The following ASAH2B variants were observed in gnomAD, a reference collection of about 807,000 sequenced individuals.
ASAH2B encodes the protein putative inactive neutral ceramidase B.
Under a neutral mutation model 2.9 loss-of-function variants are expected in ASAH2B, and 1 was observed. That is an observed-to-expected ratio of 0.34 (90% confidence interval 0.12 to 1.63). ASAH2B has a LOEUF of 1.63. ASAH2B is among the 40% of genes most tolerant of loss of function. ASAH2B has a pLI of 0.36. For synonymous variants in ASAH2B, 4 were observed against 13.3 expected, an observed-to-expected ratio of 0.30 and a Z score of 1.52; for missense variants, 9 against 37.7, an observed-to-expected ratio of 0.24 and a Z score of 1.99.
intron 3 of ASAH2B, among the ~76,000 whole-genome samples, chr10:50,747,022 T>C (rs1487458996): frequency 1.3e-5 from 2 of 150,908 alleles, no homozygotes; most frequent in African/African-American, 4.9e-5. Context: ...TATGTGCCTG[T>C]TTTTGCTTTT....
At chr10:50,748,251 A>T (rs2132725492) in intron 3 of ASAH2B, among the ~76,000 whole-genome samples, 2 of 85,434 alleles carry the variant, frequency 2.3e-5, no homozygotes, top group South Asian at 7.7e-4. Context: ...ATTTCTGAAG[A>T]GTTGACAATT....
At position 50,756,293 on chromosome 10, in the gene ASAH2B, C is replaced by T. The variant is rs1402196950; in HGVS notation, c.*1553C>T. 1.3e-5 allele frequency: 2 copies of T among 151,264 alleles called. No individual in the cohort carries two copies. The highest frequency in any genetic ancestry group is 2.4e-5 in the African/African-American group (1 of 41,320). 9.4% of individuals were successfully genotyped at this position (151,264 alleles called of 1,614,324 possible). A position where few individuals can be genotyped will look rare whatever the true frequency, so the allele number is the denominator to read the frequency against. ...ACATAATTTATTGAATTAGAATGAA[C>T]CTGGAACACTTTTTGATGAATTGGT... On this transcript the variant is annotated 3_prime_UTR_variant, in exon 6 of 6. Transcript: ENST00000647317.
At chr10:50,740,673 A>G (rs1839816857) in intron 1 of ASAH2B, among the ~76,000 whole-genome samples, 1 of 152,214 alleles carries the variant, frequency 6.6e-6, no homozygotes, top group African/African-American at 2.4e-5. Context: ...AACGGAATTA[A>G]TACAGGACCT....
rs1207246096 is a variant in ASAH2B, at chr10:50,742,802, C to T, written c.-99-113C>T. On this transcript the variant is annotated intron_variant, in intron 1 of 5. Coordinates refer to ENST00000647317, the MANE Select transcript of ASAH2B (RefSeq NM_001321958.2). ...GTCATACATAATCTTGAAGATTGTG[C>T]CAGTTTTGAATAATGTGAGATGTCA... 6 of 1,040,232 alleles carry T rather than the reference C, an allele frequency of 5.8e-6. No homozygotes were observed. The Admixed American group carries it at 9.0e-5, about 16-fold the overall frequency. The allele number at this position is 1,040,232 out of a possible 1,614,324, so 64.4% of individuals were successfully genotyped here. A position where few individuals can be genotyped will look rare whatever the true frequency, so the allele number is the denominator to read the frequency against.
At chr10:50,745,662 G>T (rs1257319299) in intron 3 of ASAH2B, among the ~76,000 whole-genome samples, 1 of 149,354 alleles carries the variant, frequency 6.7e-6, no homozygotes, top group African/African-American at 2.5e-5. Flanking sequence ...CAGTTTTTCT[G>T]GGGGGAGGAG....
intron 3 of ASAH2B, among the ~76,000 whole-genome samples, chr10:50,745,894 T>C (rs2266028): frequency 2.0e-5 from 3 of 151,386 alleles, no homozygotes; most frequent in African/African-American, 2.4e-5. Context: ...TATATATTTA[T>C]TGTGTACAAG....
chr10:50,758,893 G>T lies in ASAH2B; in HGVS notation c.*4153G>T, dbSNP rs1235383724. On this transcript the variant is annotated 3_prime_UTR_variant, in exon 6 of 6. Transcript: ENST00000647317. ...GGGAATTAGAGAGGGCACCTAATAT[G>T]GTCTTGGGGATGTTTCAGTAAGTTT... 6.6e-6 allele frequency: 1 copy of T among 151,896 alleles called. No homozygotes were observed. The highest frequency in any genetic ancestry group is 1.5e-5 in the Non-Finnish European group (1 of 67,862). The allele number at this position is 151,896 out of a possible 1,614,324, so 9.4% of individuals were successfully genotyped here. A position where few individuals can be genotyped will look rare whatever the true frequency, so the allele number is the denominator to read the frequency against.
intron 3 of ASAH2B, among the ~76,000 whole-genome samples, chr10:50,746,862 C>G (rs1462197521): frequency 6.6e-6 from 1 of 151,166 alleles, no homozygotes; most frequent in Middle Eastern, 3.4e-3. Flanking sequence ...TGTTTTCTTG[C>G]TATAGAGTTG....
In ASAH2B at chr10:50,757,221, G is replaced by A. The variant is rs1478025959; in HGVS notation, c.*2481G>A. On this transcript the variant is annotated 3_prime_UTR_variant, in exon 6 of 6. Transcript: ENST00000647317. Reference sequence around the variant, plus strand: ...CTAATGAAAGGTAATGTAGACAAACGAACACTTTTTTAAAAAAAGAGGTGG... The same window carrying A: ...CTAATGAAAGGTAATGTAGACAAACAAACACTTTTTTAAAAAAAGAGGTGG... The A allele has an allele frequency of 1.3e-5, 2 of 151,066 alleles. No individual in the cohort carries two copies. The highest frequency in any genetic ancestry group is 2.1e-4 in the South Asian group (1 of 4,790). The allele number at this position is 151,066 out of a possible 1,614,324, so 9.4% of individuals were successfully genotyped here.
rs370992697 is a variant in ASAH2B, at chr10:50,742,921, C to T, written c.-93C>T. 4.0e-5 allele frequency: 64 copies of T among 1,613,958 alleles called. No individual in the cohort carries two copies. In the African/African-American group the frequency reaches 8.1e-4, roughly 21 times the overall value. ...CTCCCTGCCTTTCCTGCAGGCTCAG[C>T]GATATGAGGCAGCATCGACAATTTA... On this transcript the variant is annotated 5_prime_UTR_variant, in exon 2 of 6. Transcript: ENST00000647317.
At chr10:50,741,215 A>G (rs1337343172) in intron 1 of ASAH2B, among the ~76,000 whole-genome samples, 1 of 151,944 alleles carries the variant, frequency 6.6e-6, no homozygotes, top group Non-Finnish European at 1.5e-5. Flanking sequence ...TTGCCAGGGA[A>G]CCACTCTCTT....
At chr10:50,744,164 C>G (rs1259491178) in intron 2 of ASAH2B, among the ~76,000 whole-genome samples, 1 of 151,346 alleles carries the variant, frequency 6.6e-6, no homozygotes, top group Admixed American at 6.6e-5. Context: ...TACAGAAAAG[C>G]ATAAACCTAT....
At chr10:50,741,434 G>A (rs1839829344) in intron 1 of ASAH2B, among the ~76,000 whole-genome samples, 1 of 152,150 alleles carries the variant, frequency 6.6e-6, no homozygotes, top group African/African-American at 2.4e-5. Flanking sequence ...GAGAACAGAT[G>A]ATTACATTTT....
At chr10:50,745,784 A>T (rs1839896867) in intron 3 of ASAH2B, among the ~76,000 whole-genome samples, 1 of 147,050 alleles carries the variant, frequency 6.8e-6, no homozygotes, top group Non-Finnish European at 1.5e-5. Context: ...TTCTAAATGC[A>T]CCTAATTATT....
At position 50,745,977 on chromosome 10, in the gene ASAH2B, CTTA is replaced by C. The variant is rs976714477; in HGVS notation, c.144+709_144+711del. 3.0e-4 allele frequency among the ~76,000 whole-genome samples: 46 copies of C among 151,382 alleles called. 1 individual carries two copies. Among genetic ancestry groups the C allele is most frequent in the Admixed American group, 1.4e-3 (21 of 15,240 alleles). On this transcript the variant is annotated intron_variant, in intron 3 of 5. Transcript: ENST00000647317. ...ATTAACATATACATTATGTCACATA[CTTA>C]TTATTTTTTGTTGTGAGAAAATTTG...
intron 1 of ASAH2B, among the ~76,000 whole-genome samples, chr10:50,741,599 C>T (rs1344393157): frequency 6.6e-6 from 1 of 152,112 alleles, no homozygotes; most frequent in Non-Finnish European, 1.5e-5. Flanking sequence ...AAGAATGTAT[C>T]CTATATAGAA....
intron 1 of ASAH2B, among the ~76,000 whole-genome samples, chr10:50,740,976 C>T (rs979495701): frequency 6.6e-6 from 1 of 152,112 alleles, no homozygotes; most frequent in Non-Finnish European, 1.5e-5. Context: ...AGTAATACTG[C>T]GATCCTATTG....
At position 50,758,891 on chromosome 10, in the gene ASAH2B, A is replaced by G. The variant is rs532707722; in HGVS notation, c.*4151A>G. The G allele has an allele frequency of 3.5e-4, 53 of 152,044 alleles. No individual in the cohort carries two copies. Among genetic ancestry groups the G allele is most frequent in the African/African-American group, 1.1e-3 (46 of 41,542 alleles). The allele number at this position is 152,044 out of a possible 1,614,324, so 9.4% of individuals were successfully genotyped here. A position where few individuals can be genotyped will look rare whatever the true frequency, so the allele number is the denominator to read the frequency against. Reference sequence around the variant, plus strand: ...CAGGGAATTAGAGAGGGCACCTAATATGGTCTTGGGGATGTTTCAGTAAGT... The same window carrying G: ...CAGGGAATTAGAGAGGGCACCTAATGTGGTCTTGGGGATGTTTCAGTAAGT... On this transcript the variant is annotated 3_prime_UTR_variant, in exon 6 of 6. Coordinates refer to ENST00000647317, the MANE Select transcript of ASAH2B (RefSeq NM_001321958.2).
At chr10:50,744,574 A>G (rs1041296503) in intron 2 of ASAH2B, 15 of 151,992 alleles carry the variant, frequency 9.9e-5, no homozygotes, top group African/African-American at 3.7e-4. Context: ...TGAGATTTGT[A>G]TTTTTATGAC....
Sources: gnomAD v4.1 joint callset for allele counts (sites outside exome capture counted in the v4.1 genomes callset) on GRCh38, gnomAD v4.1.1 for gene constraint, MANE v1.5 for transcripts, NCBI Gene and HGNC (gene_info 2026-07-23, HGNC 2026-07-21) for gene names.